Variants in ASIC2 observed in about 807,000 individuals in gnomAD.
ASIC2 encodes the protein acid sensing ion channel subunit 2, also known as acid-sensing ion channel 2.
ASIC2 carries 25 observed loss-of-function variants against 57.3 expected under a neutral mutation model. That is an observed-to-expected ratio of 0.44 (90% CI 0.32 to 0.61). ASIC2 has a LOEUF of 0.61. Ranked by LOEUF, ASIC2 falls within the 20% of genes least tolerant of loss-of-function variation. ASIC2 has a pLI of 0.06. For synonymous variants in ASIC2, 319 were observed against 307.5 expected (o/e 1.04, Z -0.39); for missense variants, 641 against 738.1 (o/e 0.87, Z 1.52).
At chr17:33,849,968 A>T (rs571156960) in intron 1 of ASIC2, among the ~76,000 whole-genome samples, 3 of 152,360 alleles carry the variant, frequency 2.0e-5, no homozygotes, top group Admixed American at 6.5e-5. Context: ...TACAAAAAGT[A>T]ACAACAGTAG....
At chr17:34,065,765 G>C (rs1028319568) in intron 1 of ASIC2, among the ~76,000 whole-genome samples, 2 of 152,106 alleles carry the variant, frequency 1.3e-5, no homozygotes, top group Non-Finnish European at 2.9e-5. Context: ...CATGCAACAA[G>C]TTAAAAAGTC....
chr17:33,849,235 C>T (rs1567733774), intron 1 of ASIC2, among the ~76,000 whole-genome samples: 1 of 152,162 alleles, frequency 6.6e-6, no homozygotes. Context: ...GAACTGGGAT[C>T]CTGGAAGCAC....
At chr17:34,057,006 G>T (rs6505395) in intron 1 of ASIC2, among the ~76,000 whole-genome samples, 79,411 of 152,088 alleles carry the variant, frequency 0.52, 23,829 homozygotes, top group African/African-American at 0.84. Flanking sequence ...TAGTTGCCTC[G>T]TCTTTTCATT....
intron 3 of ASIC2, among the ~76,000 whole-genome samples, chr17:33,087,326 T>G (rs945871732): frequency 6.6e-5 from 10 of 152,104 alleles, no homozygotes; most frequent in African/African-American, 2.2e-4. Context: ...CCCTTGGATA[T>G]TCCCTTTTCT....
rs549614134 is a variant in ASIC2 at position 33,384,039 on chromosome 17, T to C, written c.556-271972A>G. Reference sequence around the variant, plus strand: ...AGAGGAACTAGAAGGAAGGAAGAGATTGTCTCCCTGGACTTGGCTGTTGTC... The same window carrying C: ...AGAGGAACTAGAAGGAAGGAAGAGACTGTCTCCCTGGACTTGGCTGTTGTC... On this transcript the variant is annotated intron_variant, in intron 1 of 9. Transcript: ENST00000359872. 1.2e-3 allele frequency among the ~76,000 whole-genome samples: 186 copies of C among 152,156 alleles called. 1 individual carries two copies. The highest frequency in any genetic ancestry group is 4.3e-3 in the African/African-American group (178 of 41,530).
chr17:33,586,412 C>T (rs1160298514), intron 1 of ASIC2, among the ~76,000 whole-genome samples: 1 of 152,116 alleles, frequency 6.6e-6, no homozygotes, highest in Non-Finnish European at 1.5e-5. Context: ...ATTCTTGCCT[C>T]CCTACAACCC....
intron 1 of ASIC2, among the ~76,000 whole-genome samples, chr17:33,191,884 A>G (rs989547808): frequency 2.0e-5 from 3 of 152,156 alleles, no homozygotes; most frequent in African/African-American, 4.8e-5. Context: ...ATTGTGCTAC[A>G]TGCCTTTTCC....
At chr17:33,639,617 G>A (rs538780934) in intron 1 of ASIC2, among the ~76,000 whole-genome samples, 1 of 152,224 alleles carries the variant, frequency 6.6e-6, no homozygotes, top group South Asian at 2.1e-4. Flanking sequence ...GACACAGGAA[G>A]TACACTGCAC....
At chr17:33,411,019 G>A (rs1567852198) in intron 1 of ASIC2, among the ~76,000 whole-genome samples, 1 of 152,160 alleles carries the variant, frequency 6.6e-6, no homozygotes, top group East Asian at 1.9e-4. Context: ...ATGAATGAAG[G>A]ATAAGCCAAT....
intron 1 of ASIC2, among the ~76,000 whole-genome samples, chr17:33,219,293 C>T (rs1334137408): frequency 1.3e-5 from 2 of 152,168 alleles, no homozygotes; most frequent in Non-Finnish European, 2.9e-5. Context: ...AAGGCAGCCC[C>T]CCTTGATGCC....
At chr17:33,548,286 G>A (rs1915642197) in intron 1 of ASIC2, among the ~76,000 whole-genome samples, 1 of 152,154 alleles carries the variant, frequency 6.6e-6, no homozygotes, top group African/African-American at 2.4e-5. Context: ...GACAACCTAT[G>A]ACAGAATAAT....
chr17:34,136,654 A>G (rs1171577256), intron 1 of ASIC2, among the ~76,000 whole-genome samples: 1 of 152,164 alleles, frequency 6.6e-6, no homozygotes, highest in African/African-American at 2.4e-5. Context: ...TTATTGATTT[A>G]TGTCTTTGCC....
At chr17:33,716,379 A>T (rs1051936599) in intron 1 of ASIC2, among the ~76,000 whole-genome samples, 1 of 152,174 alleles carries the variant, frequency 6.6e-6, no homozygotes, top group African/African-American at 2.4e-5. Flanking sequence ...ACTGTGTTCC[A>T]TTCACACTGT....
chr17:33,777,828 C>A (rs1021035912), intron 1 of ASIC2, among the ~76,000 whole-genome samples: 1 of 152,164 alleles, frequency 6.6e-6, no homozygotes, highest in African/African-American at 2.4e-5. Context: ...TGGGGTGGCA[C>A]CAAGTGCTTC....
intron 1 of ASIC2, among the ~76,000 whole-genome samples, chr17:33,670,990 T>C (rs1907621556): frequency 6.6e-6 from 1 of 152,202 alleles, no homozygotes; most frequent in African/African-American, 2.4e-5. Context: ...ATCTATGCTT[T>C]TAAGAGATGA....
At chr17:34,020,263 T>C (rs1431733032) in intron 1 of ASIC2, among the ~76,000 whole-genome samples, 2 of 152,148 alleles carry the variant, frequency 1.3e-5, no homozygotes, top group Non-Finnish European at 1.5e-5. Context: ...TAAATACGTG[T>C]TGAATGAATG....
intron 1 of ASIC2, among the ~76,000 whole-genome samples, chr17:33,818,428 G>C (rs953250911): frequency 2.0e-5 from 3 of 152,130 alleles, no homozygotes; most frequent in Non-Finnish European, 4.4e-5. Context: ...CAAGATCCAT[G>C]GTTCAGAAGC....
At chr17:33,420,064 G>A (rs1333071668) in intron 1 of ASIC2, among the ~76,000 whole-genome samples, 1 of 152,124 alleles carries the variant, frequency 6.6e-6, no homozygotes, top group African/African-American at 2.4e-5. Context: ...TTTTTCATAT[G>A]CCGTTTCATT....
chr17:33,522,518 T>C (rs1435647441), intron 1 of ASIC2, among the ~76,000 whole-genome samples: 1 of 152,182 alleles, frequency 6.6e-6, no homozygotes, highest in Non-Finnish European at 1.5e-5. Context: ...AGCAACTCAC[T>C]AAACTTCTCT....
Sources: gnomAD v4.1 joint callset for allele counts (sites outside exome capture counted in the v4.1 genomes callset) on GRCh38, gnomAD v4.1.1 for gene constraint, MANE v1.5 for transcripts, NCBI Gene and HGNC (gene_info 2026-07-23, HGNC 2026-07-21) for gene names.